TMEM132E: variants seen among roughly 807,000 people sequenced by gnomAD.
The protein encoded by TMEM132E is transmembrane protein 132E.
In TMEM132E, 49 loss-of-function variants were observed where a neutral mutation model predicts 78.5. That is an observed-to-expected ratio of 0.62 (90% CI 0.50 to 0.79). TMEM132E has a LOEUF of 0.79. TMEM132E is among the 30% of genes least tolerant of loss of function. The probability of loss-of-function intolerance (pLI) is 0.00; values close to 1 mark genes in which losing one functional copy is unlikely to be tolerated. For missense variants in TMEM132E, 1,403 were observed against 1,470.9 expected, an observed-to-expected ratio of 0.95 and a Z score of 0.75; for synonymous variants, 715 against 670.6, an observed-to-expected ratio of 1.07 and a Z score of -1.02.
intron 1 of TMEM132E, among the ~76,000 whole-genome samples, chr17:34,613,901 C>T (rs1906694776): frequency 6.6e-6 from 1 of 152,178 alleles, no homozygotes; most frequent in Non-Finnish European, 1.5e-5. Context: ...TGACACTCCC[C>T]GCCCCCAAAC....
chr17:34,592,063 G>A (rs55665641), intron 1 of TMEM132E, among the ~76,000 whole-genome samples: 19,745 of 152,248 alleles, frequency 0.13, 1,787 homozygotes, highest in Admixed American at 0.27. Context: ...TTAAGACAGT[G>A]CCAAAGACTT....
chr17:34,628,958 G>T (rs1907251797), intron 3 of TMEM132E, 54 bp from the exon 4 acceptor site: 1 of 1,510,682 alleles, frequency 6.6e-7, no homozygotes. Flanking sequence ...CTGAGCTCCT[G>T]GGCTGCTCCC....
intron 1 of TMEM132E, among the ~76,000 whole-genome samples, chr17:34,584,521 G>A (rs1366186593): frequency 6.6e-6 from 1 of 152,218 alleles, no homozygotes; most frequent in African/African-American, 2.4e-5. Context: ...GCTTACCTGT[G>A]CAATCCTCCT....
chr17:34,616,958 ACCT>A, intron 1 of TMEM132E, among the ~76,000 whole-genome samples: 2 of 152,182 alleles, frequency 1.3e-5, no homozygotes, highest in Admixed American at 1.3e-4. Flanking sequence ...CTGGGTTTTA[ACCT>A]CTGTTTGCTC....
rs1479500055 is a variant in TMEM132E, at chr17:34,636,141, C to A, written c.2112C>A (p.Ser704Arg). The A allele has an allele frequency of 6.3e-7, 1 of 1,584,980 alleles. No homozygotes were observed. ...TCTCCCTGCGGCCCAGCCCTGGGAG[C>A]AGCCACACCATCCTAGCCACCACAG... ...LALSLRPSPG[S>R]SHTILATTAA... Residue 704 changes from serine to arginine, a missense_variant, in exon 8 of 9, where the codon AGC becomes AGA. Coordinates refer to ENST00000631683, the MANE Select transcript of TMEM132E (RefSeq NM_001304438.2).
chr17:34,603,179 G>A (rs1906294111), intron 1 of TMEM132E, among the ~76,000 whole-genome samples: 1 of 152,172 alleles, frequency 6.6e-6, no homozygotes, highest in Admixed American at 6.5e-5. Flanking sequence ...GTGATGCACA[G>A]AGGAGACCCT....
chr17:34,600,531 C>G (rs777613779), intron 1 of TMEM132E, among the ~76,000 whole-genome samples: 1 of 148,876 alleles, frequency 6.7e-6, no homozygotes, highest in South Asian at 2.1e-4. Context: ...GGAGTCTGCC[C>G]TGAGGTTTGC....
intron 1 of TMEM132E, among the ~76,000 whole-genome samples, chr17:34,589,897 T>C (rs1397685017): frequency 6.6e-6 from 1 of 152,144 alleles, no homozygotes; most frequent in Non-Finnish European, 1.5e-5. Context: ...ACTATTGGAT[T>C]GGAAATAGGA....
intron 1 of TMEM132E, among the ~76,000 whole-genome samples, chr17:34,587,747 C>T (rs1007321884): frequency 6.6e-6 from 1 of 152,238 alleles, no homozygotes; most frequent in Admixed American, 6.5e-5. Context: ...CACACCCACT[C>T]AGTCACGGCC....
chr17:34,597,016 G>A (rs1906083021), intron 1 of TMEM132E, among the ~76,000 whole-genome samples: 1 of 151,990 alleles, frequency 6.6e-6, no homozygotes, highest in Non-Finnish European at 1.5e-5. Flanking sequence ...GCTAGGAAGG[G>A]GGAGCTATGC....
At chr17:34,635,116 G>A (rs1193192293) in intron 7 of TMEM132E, 29 bp downstream of exon 7, 1 of 1,574,488 alleles carries the variant, frequency 6.4e-7, no homozygotes, top group Non-Finnish European at 8.6e-7. Context: ...CCAGCACAAA[G>A]GGGCAGTGTC....
rs779747045 is a variant in TMEM132E, at chr17:34,638,012, C to T, written c.3005C>T (p.Pro1002Leu). ...TCAGCCCGAGACCAAGCCGAGGACC[C>T]CGCCAGCTCGCCCACCTCCAAGCGC... Reference protein sequence around the residue: ...GGSARDQAEDPASSPTSKRKR... With the variant: ...GGSARDQAEDLASSPTSKRKR... Residue 1002 changes from proline to leucine, a missense_variant, in exon 9 of 9, where the codon CCC (proline) becomes CTC (leucine). By Grantham distance (98) the Pro-to-Leu change is moderately conservative. Around this residue, in one of 3 missense-constraint regions of TMEM132E, gnomAD observed 888 missense variants for 952.8 expected, o/e 0.93. Coordinates refer to ENST00000631683, the MANE Select transcript of TMEM132E (RefSeq NM_001304438.2). 1 of 1,578,412 alleles carries T rather than the reference C, an allele frequency of 6.3e-7. No individual in the cohort carries two copies. The highest frequency in any genetic ancestry group is 1.1e-5 in the South Asian group (1 of 87,504).
intron 1 of TMEM132E, among the ~76,000 whole-genome samples, chr17:34,616,925 G>A (rs544574778): frequency 2.6e-5 from 4 of 152,338 alleles, no homozygotes; most frequent in South Asian, 2.1e-4. Context: ...ACTAGGCACC[G>A]GGCTTGGCGA....
At position 34,634,988 on chromosome 17, in the gene TMEM132E, C is replaced by T. The variant is rs1410255578; in HGVS notation, c.1878C>T (p.Asp626=). Reference sequence around the variant, plus strand: ...CGGACTGGCTGGTGGAGGTCACCGACCTAGTCAGTGACTTCATGCGGGTGG... The same window carrying T: ...CGGACTGGCTGGTGGAGGTCACCGATCTAGTCAGTGACTTCATGCGGGTGG... The part of the protein sequence containing the change: ...LGPDWLVEVT[D]LVSDFMRVGD... The change falls in exon 7 of 9, where the codon GAC becomes GAT. Residue 626 remains aspartate, a synonymous_variant. Transcript: ENST00000631683. The T allele has an allele frequency of 6.2e-7, 1 of 1,614,088 alleles. No individual in the cohort carries two copies.
intron 1 of TMEM132E, among the ~76,000 whole-genome samples, chr17:34,601,216 G>C (rs1022035012): frequency 1.3e-5 from 2 of 152,204 alleles, no homozygotes; most frequent in Non-Finnish European, 1.5e-5. Context: ...GAAGCAGAGC[G>C]GGTCCAGAGG....
chr17:34,615,114 A>G (rs1357331263), intron 1 of TMEM132E, among the ~76,000 whole-genome samples: 1 of 149,476 alleles, frequency 6.7e-6, no homozygotes, highest in Admixed American at 6.7e-5. Context: ...ACCTTGCTGT[A>G]TGCTTTCAGC....
In TMEM132E at chr17:34,638,127, G is replaced by A. The variant is rs1272474200; in HGVS notation, c.3120G>A (p.Glu1040=). ...CCGCGGGCGAAGAGGACGAGGAGGA[G>A]GAAGAGGACCTGGGTTGGGGCTGCC... The part of the protein sequence containing the change: ...SVPAGEEDEE[E]EEDLGWGCPD... The change falls in exon 9 of 9, where the codon GAG becomes GAA. Residue 1040 remains glutamate, a synonymous_variant. Transcript: ENST00000631683. 2.5e-6 allele frequency: 4 copies of A among 1,607,712 alleles called. No individual in the cohort carries two copies. The East Asian group carries it at 6.7e-5, about 27-fold the overall frequency.
At position 34,628,588 on chromosome 17, in the gene TMEM132E, C is replaced by T. The variant is rs1273257645; in HGVS notation, c.1024C>T (p.Leu342Phe). ...LRVKAKKGVT[L>F]LGTKSRSGQW... Reference sequence around the variant, plus strand: ...GGTGAAGGCCAAGAAGGGTGTGACCCTTTTAGGTACCAAGTCACGGAGTGG... The same window carrying T: ...GGTGAAGGCCAAGAAGGGTGTGACCTTTTTAGGTACCAAGTCACGGAGTGG... Residue 342 changes from leucine (L) to phenylalanine (F), a missense_variant, in exon 3 of 9, where the codon CTT (leucine) becomes TTT (phenylalanine). By Grantham distance (22) the Leu-to-Phe change is conservative. Around this residue, in one of 3 missense-constraint regions of TMEM132E, gnomAD observed 511 missense variants for 499.0 expected, o/e 1.02. Transcript: ENST00000631683. The T allele has an allele frequency of 2.5e-6, 4 of 1,614,016 alleles. No individual in the cohort carries two copies. The highest frequency in any genetic ancestry group is 1.1e-5 in the South Asian group (1 of 91,048).
At chr17:34,627,310 A>T (rs955441721) in intron 2 of TMEM132E, among the ~76,000 whole-genome samples, 1 of 152,194 alleles carries the variant, frequency 6.6e-6, no homozygotes, top group Non-Finnish European at 1.5e-5. Flanking sequence ...AAATGGCATC[A>T]TGGTAAAGAG....
Sources: gnomAD v4.1 joint callset for allele counts (sites outside exome capture counted in the v4.1 genomes callset) on GRCh38, gnomAD v4.1.1 for gene constraint, gnomAD v4.1.1 regional missense constraint, MANE v1.5 for transcripts, NCBI Gene and HGNC (gene_info 2026-07-23, HGNC 2026-07-21) for gene names.